Variants in NKAIN3 observed in about 807,000 individuals in gnomAD.
NKAIN3 encodes sodium/potassium-transporting ATPase subunit beta-1-interacting protein 3.
Under a neutral mutation model 30.2 loss-of-function variants are expected in NKAIN3, and 25 were observed. The ratio of observed to expected loss-of-function variants is 0.83; its 90% CI spans 0.60 to 1.16. The LOEUF (loss-of-function observed/expected upper bound fraction) is 1.16. NKAIN3 is among the 50% of genes most tolerant of loss of function. The pLI, the probability that NKAIN3 is intolerant of heterozygous loss-of-function variation, is 0.00. For missense variants in NKAIN3, 225 were observed against 254.1 expected (o/e 0.89, Z 0.78); for synonymous variants, 91 against 89.6 (o/e 1.02, Z -0.09).
intron 4 of NKAIN3, among the ~76,000 whole-genome samples, chr8:62,753,229 C>T (rs1436634317): frequency 1.3e-5 from 2 of 150,484 alleles, no homozygotes; most frequent in African/African-American, 5.0e-5. Flanking sequence ...CACACACACA[C>T]ACACGCACGC....
intron 1 of NKAIN3, among the ~76,000 whole-genome samples, chr8:62,311,087 A>G (rs922085479): frequency 2.0e-5 from 3 of 150,572 alleles, no homozygotes; most frequent in Non-Finnish European, 4.4e-5. Context: ...ATCATTGTTT[A>G]CATGCAGGCT....
chr8:62,855,854 C>G (rs550445560), intron 4 of NKAIN3: 2 of 784,734 alleles, frequency 2.5e-6, no homozygotes, highest in African/African-American at 1.7e-5. Context: ...GGTCATCCAA[C>G]TCCTCTTCCT....
In NKAIN3 at chr8:62,976,947, AGTTTGGCTG is replaced by A. The variant is rs1823956263; in HGVS notation, c.*11542_*11550del. Among the ~76,000 whole-genome samples, 4 of 152,198 alleles carry A rather than the reference AGTTTGGCTG, an allele frequency of 2.6e-5. No homozygotes were observed. Among genetic ancestry groups the A allele is most frequent in the Non-Finnish European group, 5.9e-5 (4 of 68,032 alleles). On this transcript the variant is annotated 3_prime_UTR_variant, in exon 7 of 7. Transcript: ENST00000623646. ...TATTTCTCCTTCACTTGTGAAGCTC[AGTTTGGCTG>A]GATATGAAATTCTGGGTTGAAAATT...
At chr8:62,787,523 T>G (rs943954075) in intron 4 of NKAIN3, among the ~76,000 whole-genome samples, 1 of 152,148 alleles carries the variant, frequency 6.6e-6, no homozygotes, top group Non-Finnish European at 1.5e-5. Flanking sequence ...TATCATCCTC[T>G]TTTTTTAAAA....
intron 3 of NKAIN3, among the ~76,000 whole-genome samples, chr8:62,591,565 T>A (rs1810654472): frequency 6.6e-6 from 1 of 152,070 alleles, no homozygotes; most frequent in African/African-American, 2.4e-5. Context: ...GTAACTGCTT[T>A]TCTAATATCC....
At chr8:62,846,856 C>T (rs772355362) in intron 4 of NKAIN3, among the ~76,000 whole-genome samples, 2 of 151,984 alleles carry the variant, frequency 1.3e-5, no homozygotes, top group Non-Finnish European at 1.5e-5. Context: ...CAATCATGGT[C>T]GAAGGTGAAT....
Position 62,746,938 on chromosome 8 carries a change from G to A in NKAIN3, c.280G>A (p.Asp94Asn), listed in dbSNP as rs201185620. 14 of 1,604,620 alleles carry A rather than the reference G, an allele frequency of 8.7e-6. No individual in the cohort carries two copies. Among genetic ancestry groups the A allele is most frequent in the South Asian group, 5.5e-5 (5 of 90,474 alleles). Reference sequence around the variant, plus strand: ...TTGTCTCCTACCCACCTAGGACACCGATCTAATGACATTCAATATCTCTGT... The same window carrying A: ...TTGTCTCCTACCCACCTAGGACACCAATCTAATGACATTCAATATCTCTGT... ...LEVGGLSKDT[D>N]LMTFNISVHR... The change falls in exon 4 of 7, where the codon GAT becomes AAT. Residue 94 changes from aspartate to asparagine, a missense_variant. Transcript: ENST00000623646.
At chr8:62,366,594 G>A (rs1563366990) in intron 1 of NKAIN3, among the ~76,000 whole-genome samples, 1 of 151,952 alleles carries the variant, frequency 6.6e-6, no homozygotes. Context: ...TTTTATTCTA[G>A]TTAACCTCAC....
In NKAIN3 at chr8:62,984,417, A is replaced by G. The variant is rs1056558530; in HGVS notation, c.*19010A>G. 2 of 152,176 alleles carry G rather than the reference A, an allele frequency of 1.3e-5. No individual in the cohort carries two copies. Among genetic ancestry groups the G allele is most frequent in the East Asian group, 1.9e-4 (1 of 5,196 alleles). 9.4% of individuals were successfully genotyped at this position (152,176 alleles called of 1,614,324 possible). On this transcript the variant is annotated 3_prime_UTR_variant, in exon 7 of 7. Transcript: ENST00000623646. ...TTTTTTTTAAATCTCTCAATCTTCA[A>G]ATAATTCTTAGATTGCTTGCCAGCA...
chr8:62,744,503 G>A (rs1477304633), intron 3 of NKAIN3, among the ~76,000 whole-genome samples: 2 of 152,152 alleles, frequency 1.3e-5, no homozygotes, highest in Non-Finnish European at 1.5e-5. Flanking sequence ...CAATAGGAAA[G>A]GTCGCTGGGT....
intron 3 of NKAIN3, among the ~76,000 whole-genome samples, chr8:62,628,468 G>C (rs1414440287): frequency 6.6e-6 from 1 of 152,112 alleles, no homozygotes; most frequent in Non-Finnish European, 1.5e-5. Context: ...ATTATCTAAT[G>C]AGTTTCATCA....
At chr8:62,536,508 A>G (rs369912519) in intron 1 of NKAIN3, among the ~76,000 whole-genome samples, 36 of 152,162 alleles carry the variant, frequency 2.4e-4, no homozygotes, top group Middle Eastern at 3.4e-3. Flanking sequence ...TGTCTGTAGA[A>G]ACTGAATAAG....
intron 4 of NKAIN3, among the ~76,000 whole-genome samples, chr8:62,791,382 C>T (rs1817697275): frequency 6.6e-6 from 1 of 152,106 alleles, no homozygotes; most frequent in Non-Finnish European, 1.5e-5. Context: ...TTGCAAATCA[C>T]TTGGTACTGA....
chr8:62,534,149 A>T (rs1487700318), intron 1 of NKAIN3, among the ~76,000 whole-genome samples: 5 of 152,148 alleles, frequency 3.3e-5, no homozygotes, highest in Admixed American at 6.5e-5. Context: ...CACCACGGGC[A>T]TGAGATGAGA....
intron 4 of NKAIN3, among the ~76,000 whole-genome samples, chr8:62,836,676 T>A (rs1442054347): frequency 6.6e-6 from 1 of 152,028 alleles, no homozygotes. Context: ...CCAGCATGAG[T>A]CAGCCTGGCT....
intron 1 of NKAIN3, among the ~76,000 whole-genome samples, chr8:62,522,486 A>G (rs1018215746): frequency 2.0e-5 from 3 of 152,036 alleles, no homozygotes; most frequent in African/African-American, 4.8e-5. Flanking sequence ...AGTAAGTGTA[A>G]AACAGCCTCA....
intron 4 of NKAIN3, among the ~76,000 whole-genome samples, chr8:62,782,227 C>A (rs117541405): frequency 1.3e-5 from 2 of 152,128 alleles, no homozygotes; most frequent in Non-Finnish European, 2.9e-5. Flanking sequence ...GATATATCAT[C>A]TCACTCCAGT....
At chr8:62,665,763 G>A (rs974756082) in intron 3 of NKAIN3, among the ~76,000 whole-genome samples, 11 of 152,174 alleles carry the variant, frequency 7.2e-5, no homozygotes, top group African/African-American at 2.7e-4. Context: ...TGCAGGGTCA[G>A]GGCTCACTAT....
intron 1 of NKAIN3, among the ~76,000 whole-genome samples, chr8:62,391,232 T>C (rs1429242378): frequency 6.6e-6 from 1 of 152,174 alleles, no homozygotes; most frequent in East Asian, 1.9e-4. Flanking sequence ...CCCAAAACTA[T>C]ATGTACCTTA....
Sources: gnomAD v4.1 joint callset for allele counts (sites outside exome capture counted in the v4.1 genomes callset) on GRCh38, gnomAD v4.1.1 for gene constraint, MANE v1.5 for transcripts, NCBI Gene and HGNC (gene_info 2026-07-23, HGNC 2026-07-21) for gene names.